Variants in SPIRE1 observed in about 807,000 individuals in gnomAD.
SPIRE1 encodes spire type actin nucleation factor 1.
Under a neutral mutation model 94.1 loss-of-function variants are expected in SPIRE1, and 40 were observed. The ratio of observed to expected loss-of-function variants is 0.43; its 90% CI spans 0.33 to 0.55. The LOEUF is 0.55. SPIRE1 is among the 20% of genes least tolerant of loss of function. The pLI, the probability that SPIRE1 is intolerant of heterozygous loss-of-function variation, is 0.06. For synonymous variants in SPIRE1, 376 were observed against 371.7 expected (o/e 1.01, Z -0.13); for missense variants, 838 against 975.2 (o/e 0.86, Z 1.87).
intron 2 of SPIRE1, among the ~76,000 whole-genome samples, chr18:12,566,935 A>G (rs1351189896): frequency 6.6e-6 from 1 of 152,182 alleles, no homozygotes. Flanking sequence ...TAGACACAAA[A>G]ATCTTCAGTA....
intron 4 of SPIRE1, among the ~76,000 whole-genome samples, chr18:12,534,460 A>T (rs1207550420): frequency 6.6e-6 from 1 of 152,220 alleles, no homozygotes; most frequent in Admixed American, 6.5e-5. Context: ...ATTTTTAGGT[A>T]TATATTTAGA....
At chr18:12,624,380 T>C (rs996753382) in intron 2 of SPIRE1, among the ~76,000 whole-genome samples, 1 of 151,460 alleles carries the variant, frequency 6.6e-6, no homozygotes, top group Non-Finnish European at 1.5e-5. Flanking sequence ...CCGTCTCTAC[T>C]GAAATTACAA....
At chr18:12,610,099 C>T (rs2037096824) in intron 2 of SPIRE1, among the ~76,000 whole-genome samples, 1 of 151,896 alleles carries the variant, frequency 6.6e-6, no homozygotes, top group Admixed American at 6.6e-5. Context: ...GGTCCAACTA[C>T]CATATACCAA....
chr18:12,458,570 C>T (rs537170043), intron 12 of SPIRE1, among the ~76,000 whole-genome samples: 3 of 152,134 alleles, frequency 2.0e-5, no homozygotes, highest in African/African-American at 7.2e-5. Context: ...GCCGATATCG[C>T]GTCACTGCAC....
chr18:12,568,475 T>TGCAC (rs2035873333), intron 2 of SPIRE1, among the ~76,000 whole-genome samples: 1 of 152,208 alleles, frequency 6.6e-6, no homozygotes, highest in Non-Finnish European at 1.5e-5. Flanking sequence ...GTCCATCCTC[T>TGCAC]TGCTCTAAAG....
intron 4 of SPIRE1, among the ~76,000 whole-genome samples, chr18:12,530,393 G>T (rs528819081): frequency 6.6e-6 from 1 of 152,246 alleles, no homozygotes; most frequent in African/African-American, 2.4e-5. Context: ...TAGAGACAGG[G>T]TCTCACTCTA....
In SPIRE1 at chr18:12,487,157, C is replaced by A. The variant is rs1287604320; in HGVS notation, c.1190-1157G>T. On this transcript the variant is annotated intron_variant, in intron 8 of 16. Coordinates refer to ENST00000409402, the MANE Select transcript of SPIRE1 (RefSeq NM_001128626.2). ...CATAAGCCACCATGCCCGGCCAATT[C>A]ATAAGTTTTAAATTGCATGTTTCCT... 2.0e-5 allele frequency among the ~76,000 whole-genome samples: 3 copies of A among 152,068 alleles called. No homozygotes were observed. The East Asian group carries it at 5.8e-4, about 29-fold the overall frequency.
chr18:12,590,546 GTATTGGGCCACAA>G (rs1401750918), intron 2 of SPIRE1, among the ~76,000 whole-genome samples: 4 of 152,184 alleles, frequency 2.6e-5, no homozygotes, highest in African/African-American at 9.7e-5. Flanking sequence ...AGATGTTCCA[GTATTGGGCCACAA>G]TAGACTATTT....
At chr18:12,623,916 C>CCATGCCTGCCTAA (rs2037546878) in intron 2 of SPIRE1, among the ~76,000 whole-genome samples, 1 of 151,150 alleles carries the variant, frequency 6.6e-6, no homozygotes, top group African/African-American at 2.4e-5. Flanking sequence ...GCGTAAGCCA[C>CCATGCCTGCCTAA]TGCACTCGGC....
intron 4 of SPIRE1, among the ~76,000 whole-genome samples, chr18:12,528,718 C>T (rs1047718238): frequency 2.0e-5 from 3 of 152,096 alleles, no homozygotes; most frequent in Admixed American, 2.0e-4. Context: ...ATGGTCCAGG[C>T]AAGAGATGTC....
chr18:12,515,271 T>C (rs925096309), intron 4 of SPIRE1, among the ~76,000 whole-genome samples: 14 of 152,098 alleles, frequency 9.2e-5, no homozygotes, highest in African/African-American at 3.4e-4. Flanking sequence ...TCCCAATATT[T>C]GGGGAAGCTG....
chr18:12,550,952 T>G (rs1387329363), intron 2 of SPIRE1, among the ~76,000 whole-genome samples: 1 of 152,246 alleles, frequency 6.6e-6, no homozygotes, highest in African/African-American at 2.4e-5. Context: ...TCAGAGCTCA[T>G]GCACTCTACT....
At chr18:12,516,250 C>T (rs2034191472) in intron 4 of SPIRE1, 1 of 152,190 alleles carries the variant, frequency 6.6e-6, no homozygotes, top group African/African-American at 2.4e-5. Flanking sequence ...CAGTACCTCA[C>T]TTCCTATTTA....
intron 4 of SPIRE1, among the ~76,000 whole-genome samples, chr18:12,530,648 A>C (rs1188134378): frequency 6.6e-6 from 1 of 152,176 alleles, no homozygotes; most frequent in Non-Finnish European, 1.5e-5. Flanking sequence ...AGTAAACAGA[A>C]GTCTTGCAAA....
At chr18:12,654,895 G>A (rs140448860) in intron 1 of SPIRE1, among the ~76,000 whole-genome samples, 37 of 152,076 alleles carry the variant, frequency 2.4e-4, no homozygotes, top group African/African-American at 8.7e-4. Context: ...GGGCGTGGTG[G>A]CATGCGCCTA....
chr18:12,514,705 T>C (rs985992812), intron 4 of SPIRE1, among the ~76,000 whole-genome samples: 1 of 152,140 alleles, frequency 6.6e-6, no homozygotes, highest in Non-Finnish European at 1.5e-5. Flanking sequence ...CCTAGGGAAG[T>C]TGGGGAGCGG....
intron 2 of SPIRE1, among the ~76,000 whole-genome samples, chr18:12,548,022 A>G (rs1391906160): frequency 6.6e-6 from 1 of 152,220 alleles, no homozygotes; most frequent in Non-Finnish European, 1.5e-5. Context: ...CCTCAGGACA[A>G]ATCATTTTAG....
At chr18:12,579,200 T>TACACACACACACACAC (rs60826359) in intron 2 of SPIRE1, among the ~76,000 whole-genome samples, 6 of 119,108 alleles carry the variant, frequency 5.0e-5, no homozygotes, top group African/African-American at 1.7e-4. Context: ...CACACACACA[T>TACACACACACACACAC]ACACACACAC....
chr18:12,556,767 C>A (rs1201520225), intron 2 of SPIRE1, among the ~76,000 whole-genome samples: 1 of 152,140 alleles, frequency 6.6e-6, no homozygotes, highest in Non-Finnish European at 1.5e-5. Flanking sequence ...AGTGTTACAG[C>A]TCATAAAGGT....
Sources: gnomAD v4.1 joint callset for allele counts (sites outside exome capture counted in the v4.1 genomes callset) on GRCh38, gnomAD v4.1.1 for gene constraint, MANE v1.5 for transcripts, NCBI Gene and HGNC (gene_info 2026-07-23, HGNC 2026-07-21) for gene names.